NR3C2: variants seen among roughly 807,000 people sequenced by gnomAD.
The protein encoded by NR3C2 is nuclear receptor subfamily 3 group C member 2.
In NR3C2, 15 loss-of-function variants were observed where a neutral mutation model predicts 86.4. The observed-to-expected ratio is 0.17, with a 90% confidence interval of 0.12 to 0.27. The LOEUF is 0.27. Ranked by LOEUF, NR3C2 falls within the 10% of genes least tolerant of loss-of-function variation. The pLI is 1.00. For missense variants in NR3C2, 960 were observed against 1,195.6 expected (o/e 0.80, Z 2.91); for synonymous variants, 458 against 450.5 (o/e 1.02, Z -0.21).
intron 2 of NR3C2, among the ~76,000 whole-genome samples, chr4:148,380,044 G>T (rs558826648): frequency 1.2e-3 from 189 of 152,304 alleles, no homozygotes; most frequent in African/African-American, 4.4e-3. Context: ...AATGGCTGTA[G>T]TATTATAAAT....
At chr4:148,132,069 ATAACT>A (rs1349389877) in intron 6 of NR3C2, among the ~76,000 whole-genome samples, 1 of 152,236 alleles carries the variant, frequency 6.6e-6, no homozygotes, top group African/African-American at 2.4e-5. Context: ...AGTTTTTAAA[ATAACT>A]TATATAGTCA....
At chr4:148,342,444 A>T (rs927778381) in intron 2 of NR3C2, among the ~76,000 whole-genome samples, 1 of 152,168 alleles carries the variant, frequency 6.6e-6, no homozygotes, top group Non-Finnish European at 1.5e-5. Flanking sequence ...TTGGTTCAAG[A>T]GCTGTTGTTT....
Position 148,324,257 on chromosome 4 carries a change from A to G in NR3C2, c.1758-64140T>C, listed in dbSNP as rs181862438. 1.6e-3 allele frequency among the ~76,000 whole-genome samples: 241 copies of G among 152,234 alleles called. 4 individuals carry two copies. The highest frequency in any genetic ancestry group is 3.0e-3 in the Admixed American group (46 of 15,296). ...GTGTCTGGCTTATTTCATTTTATGTAACATCCTCCAGATTCATCCATGTTG... is the reference window on the plus strand; with the variant it reads ...GTGTCTGGCTTATTTCATTTTATGTGACATCCTCCAGATTCATCCATGTTG... On this transcript the variant is annotated intron_variant, in intron 2 of 8. Transcript: ENST00000358102.
chr4:148,399,514 G>C (rs1302480781), intron 2 of NR3C2, among the ~76,000 whole-genome samples: 1 of 151,680 alleles, frequency 6.6e-6, no homozygotes, highest in African/African-American at 2.4e-5. Context: ...ATTCCTGGAA[G>C]GGTTATCCAT....
At chr4:148,212,456 G>C (rs551580035) in intron 3 of NR3C2, among the ~76,000 whole-genome samples, 56 of 152,300 alleles carry the variant, frequency 3.7e-4, no homozygotes, top group Non-Finnish European at 6.0e-4. Flanking sequence ...CTAGTGCCTG[G>C]GGCAGGATCA....
chr4:148,363,502 A>ATTTTTTTTTTTTTTTT (rs1414328296), intron 2 of NR3C2, among the ~76,000 whole-genome samples: 2 of 16,224 alleles, frequency 1.2e-4, no homozygotes, highest in Non-Finnish European at 2.6e-4. Context: ...CTTCTCATAG[A>ATTTTTTTTTTTTTTTT]TCTCTTTTTT....
At chr4:148,081,599 GA>G (rs1481967119) in intron 8 of NR3C2, 100 bp from the exon 9 acceptor site, 76 of 1,533,990 alleles carry the variant, frequency 5.0e-5, no homozygotes, top group Non-Finnish European at 6.5e-5. Flanking sequence ...ACAACATTTA[GA>G]AAGCCTCCCA....
intron 2 of NR3C2, among the ~76,000 whole-genome samples, chr4:148,312,320 T>C (rs776896925): frequency 1.5e-5 from 2 of 136,934 alleles, no homozygotes; most frequent in Non-Finnish European, 3.2e-5. Flanking sequence ...TTTATGAGTA[T>C]GGTAGAAATG....
At chr4:148,143,725 C>T (rs1473442695) in intron 6 of NR3C2, among the ~76,000 whole-genome samples, 1 of 152,000 alleles carries the variant, frequency 6.6e-6, no homozygotes, top group Non-Finnish European at 1.5e-5. Flanking sequence ...GCGGGTGGAT[C>T]ACCTCAGGTC....
In NR3C2 at chr4:148,172,930, C is replaced by T. The variant is rs933088223; in HGVS notation, c.2015-18029G>A. ...CAAATTATAAACATATATAACATTG[C>T]AAAACTGTCTAAAAGGGAATGAAAG... On this transcript the variant is annotated intron_variant, in intron 4 of 8. Coordinates refer to ENST00000358102, the MANE Select transcript of NR3C2 (RefSeq NM_000901.5). 2.2e-4 allele frequency among the ~76,000 whole-genome samples: 34 copies of T among 152,140 alleles called. 1 individual carries two copies. Among genetic ancestry groups the T allele is most frequent in the African/African-American group, 8.2e-4 (34 of 41,424 alleles).
At chr4:148,261,104 G>A (rs1303768312) in intron 2 of NR3C2, among the ~76,000 whole-genome samples, 1 of 152,088 alleles carries the variant, frequency 6.6e-6, no homozygotes, top group Non-Finnish European at 1.5e-5. Context: ...AGTTGGTGGG[G>A]GCATAAACTA....
At chr4:148,288,028 C>T (rs1741614234) in intron 2 of NR3C2, among the ~76,000 whole-genome samples, 1 of 151,992 alleles carries the variant, frequency 6.6e-6, no homozygotes, top group African/African-American at 2.4e-5. Context: ...AAATGATTTC[C>T]ATAAAATCAT....
At chr4:148,129,448 A>G (rs1390314870) in intron 6 of NR3C2, among the ~76,000 whole-genome samples, 4 of 152,236 alleles carry the variant, frequency 2.6e-5, no homozygotes, top group Non-Finnish European at 5.9e-5. Context: ...TTGCACAACA[A>G]TGTAATACTA....
intron 2 of NR3C2, among the ~76,000 whole-genome samples, chr4:148,340,156 G>A (rs1744681912): frequency 6.6e-6 from 1 of 151,954 alleles, no homozygotes; most frequent in South Asian, 2.1e-4. Flanking sequence ...ATTGAAAAAA[G>A]GCAATCCTAA....
At chr4:148,419,852 A>G (rs919040429) in intron 2 of NR3C2, among the ~76,000 whole-genome samples, 2 of 152,146 alleles carry the variant, frequency 1.3e-5, no homozygotes, top group Non-Finnish European at 2.9e-5. Flanking sequence ...TTTCAATAAT[A>G]ATTAAGTCTT....
Position 148,165,753 on chromosome 4 carries a change from T to C in NR3C2, c.2015-10852A>G, listed in dbSNP as rs1734851504. 5.9e-5 allele frequency among the ~76,000 whole-genome samples: 9 copies of C among 152,292 alleles called. No homozygotes were observed. In the South Asian group the frequency reaches 1.9e-3, roughly 32 times the overall value. On this transcript the variant is annotated intron_variant, in intron 4 of 8. Transcript: ENST00000358102. ...CCAAACAAAATAATAATCCTGTGAA[T>C]TGATACAAAAATATTTTTCACAATT...
chr4:148,233,955 A>G (rs1738599882), intron 3 of NR3C2, among the ~76,000 whole-genome samples: 1 of 152,210 alleles, frequency 6.6e-6, no homozygotes, highest in African/African-American at 2.4e-5. Flanking sequence ...CACTTGCTCA[A>G]TGCAGGGTTG....
intron 3 of NR3C2, among the ~76,000 whole-genome samples, chr4:148,215,376 C>T (rs938201976): frequency 6.6e-6 from 1 of 152,218 alleles, no homozygotes; most frequent in Non-Finnish European, 1.5e-5. Context: ...TGAACTGCTG[C>T]TGCATGCTGG....
At chr4:148,424,433 T>A (rs1749430668) in intron 2 of NR3C2, among the ~76,000 whole-genome samples, 1 of 152,190 alleles carries the variant, frequency 6.6e-6, no homozygotes, top group African/African-American at 2.4e-5. Flanking sequence ...ATTCCACTCC[T>A]AGGTTTTTAC....
Sources: gnomAD v4.1 joint callset for allele counts (sites outside exome capture counted in the v4.1 genomes callset) on GRCh38, gnomAD v4.1.1 for gene constraint, MANE v1.5 for transcripts, NCBI Gene and HGNC (gene_info 2026-07-23, HGNC 2026-07-21) for gene names.